NSUN6: variants seen among roughly 807,000 people sequenced by gnomAD.
The protein encoded by NSUN6 is tRNA (cytosine(72)-C(5))-methyltransferase NSUN6.
NSUN6 carries 64 observed loss-of-function variants against 58.0 expected under a neutral mutation model. The observed-to-expected ratio is 1.10, with a 90% CI of 0.90 to 1.36. The LOEUF (loss-of-function observed/expected upper bound fraction) is 1.36, where lower values mean the gene tolerates loss of function less well. NSUN6 is among the 40% of genes most tolerant of loss of function. The pLI is 0.00. For missense variants in NSUN6, 701 were observed against 550.1 expected, an observed-to-expected ratio of 1.27 and a Z score of -2.74; for synonymous variants, 231 against 193.9, an observed-to-expected ratio of 1.19 and a Z score of -1.59.
intron 8 of NSUN6, among the ~76,000 whole-genome samples, chr10:18,557,789 G>T (rs538224776): frequency 2.0e-5 from 3 of 151,494 alleles, no homozygotes; most frequent in South Asian, 2.1e-4. Flanking sequence ...GAATGGAATG[G>T]ATAATGGAAG....
chr10:18,572,706 C>A (rs527576514), intron 8 of NSUN6, among the ~76,000 whole-genome samples: 4 of 149,890 alleles, frequency 2.7e-5, no homozygotes, highest in Non-Finnish European at 6.0e-5. Flanking sequence ...TTCTCCATTC[C>A]ATTCCCTTCT....
chr10:18,561,289 AAATGGAATGGAATGGAG>A lies in NSUN6; in HGVS notation c.923-9335_923-9319del, dbSNP rs763067196. Among the ~76,000 whole-genome samples, 584 of 78,124 alleles carry A rather than the reference AAATGGAATGGAATGGAG, an allele frequency of 7.5e-3. 93 individuals are homozygous for A. Among genetic ancestry groups the A allele is most frequent in the Non-Finnish European group, 0.012 (459 of 36,852 alleles). The allele number at this position is 78,124 out of a possible 152,430, so 51.3% of individuals were successfully genotyped here. A position where few individuals can be genotyped will look rare whatever the true frequency, so the allele number is the denominator to read the frequency against. On this transcript the variant is annotated intron_variant, in intron 8 of 10. Coordinates refer to ENST00000377304, the MANE Select transcript of NSUN6 (RefSeq NM_182543.5). The stretch of plus-strand genomic sequence containing the variant: ...GGAATGGAATGGAGGATGGTATGGA[AAATGGAATGGAATGGAG>A]AATGGAATGGAATGGAGAATGGAAT...
intron 3 of NSUN6, among the ~76,000 whole-genome samples, chr10:18,633,424 T>C (rs1422557951): frequency 1.3e-5 from 2 of 151,514 alleles, no homozygotes; most frequent in Non-Finnish European, 2.9e-5. Flanking sequence ...AATAATAAAT[T>C]AATTAAATAA....
chr10:18,594,453 T>C (rs563326980), intron 7 of NSUN6, among the ~76,000 whole-genome samples: 1 of 151,954 alleles, frequency 6.6e-6, no homozygotes, highest in Non-Finnish European at 1.5e-5. Context: ...TGTTGTTGTT[T>C]TTTGTTTTTT....
chr10:18,600,974 A>ACG (rs1735700476), intron 6 of NSUN6, among the ~76,000 whole-genome samples: 1 of 98,504 alleles, frequency 1.0e-5, no homozygotes, highest in African/African-American at 4.0e-5. Flanking sequence ...ATATATATAT[A>ACG]TATGTATATA....
At chr10:18,628,695 A>C (rs1339815333) in intron 3 of NSUN6, among the ~76,000 whole-genome samples, 2 of 152,204 alleles carry the variant, frequency 1.3e-5, no homozygotes, top group East Asian at 3.8e-4. Flanking sequence ...CAAGAAGGGA[A>C]GTTTAGAGAA....
chr10:18,549,374 C>T (rs1589809895), intron 9 of NSUN6, among the ~76,000 whole-genome samples: 1 of 152,174 alleles, frequency 6.6e-6, no homozygotes, highest in East Asian at 1.9e-4. Flanking sequence ...TCTTAATTCC[C>T]TGCACTGCTT....
At chr10:18,615,646 C>T (rs1308308417) in intron 4 of NSUN6, among the ~76,000 whole-genome samples, 1 of 152,118 alleles carries the variant, frequency 6.6e-6, no homozygotes, top group African/African-American at 2.4e-5. Flanking sequence ...TTCAAGGACA[C>T]CATAACTGAG....
chr10:18,559,814 GA>G (rs1564717174), intron 8 of NSUN6, among the ~76,000 whole-genome samples: 4 of 65,626 alleles, frequency 6.1e-5, no homozygotes, highest in East Asian at 2.4e-3. Flanking sequence ...GAATGGAAAA[GA>G]GAATGGAATG....
chr10:18,567,594 A>G (rs1012621525), intron 8 of NSUN6, among the ~76,000 whole-genome samples: 1 of 142,318 alleles, frequency 7.0e-6, no homozygotes, highest in Non-Finnish European at 1.5e-5. Context: ...ATAGCATTCC[A>G]TTCTCCATTC....
At chr10:18,551,399 A>G (rs2054597340) in intron 9 of NSUN6, among the ~76,000 whole-genome samples, 1 of 151,914 alleles carries the variant, frequency 6.6e-6, no homozygotes, top group South Asian at 2.1e-4. Context: ...TCATCTCCAG[A>G]ACTTTTTCAT....
chr10:18,546,998 T>G (rs187771347), intron 10 of NSUN6, among the ~76,000 whole-genome samples: 1 of 152,192 alleles, frequency 6.6e-6, no homozygotes, highest in African/African-American at 2.4e-5. Flanking sequence ...AATTCAGCTT[T>G]ATTTAACAGT....
intron 8 of NSUN6, among the ~76,000 whole-genome samples, chr10:18,555,102 T>A (rs906828612): frequency 2.1e-5 from 3 of 145,062 alleles, no homozygotes; most frequent in Non-Finnish European, 4.5e-5. Flanking sequence ...TGGAATGGAG[T>A]GAAGAATGGC....
chr10:18,626,384 T>A (rs1289624795), intron 3 of NSUN6, among the ~76,000 whole-genome samples: 1 of 151,440 alleles, frequency 6.6e-6, no homozygotes, highest in African/African-American at 2.4e-5. Context: ...AAAACAAAAA[T>A]AAAAAAACAG....
At position 18,651,397 on chromosome 10, in the gene NSUN6, C is replaced by A; in HGVS notation, c.-194G>T. The A allele has an allele frequency of 1.6e-6, 2 of 1,287,656 alleles. No individual in the cohort carries two copies. The highest frequency in any genetic ancestry group is 3.2e-5 in the East Asian group (1 of 30,796). 79.8% of individuals were successfully genotyped at this position (1,287,656 alleles called of 1,614,324 possible). A position where few individuals can be genotyped will look rare whatever the true frequency, so the allele number is the denominator to read the frequency against. On this transcript the variant is annotated 5_prime_UTR_variant, in exon 1 of 11. Transcript: ENST00000377304. ...AGCCTAGCCGATTAGAAGGGGCTGC[C>A]GGGCTTCCACCACACCTCATCGAGG...
At chr10:18,635,917 G>A (rs2059199225) in intron 3 of NSUN6, among the ~76,000 whole-genome samples, 1 of 150,606 alleles carries the variant, frequency 6.6e-6, no homozygotes, top group Non-Finnish European at 1.5e-5. Flanking sequence ...CATTACACTG[G>A]CCAAATGTCT....
At chr10:18,587,876 T>C (rs1293075637) in intron 7 of NSUN6, among the ~76,000 whole-genome samples, 3 of 151,856 alleles carry the variant, frequency 2.0e-5, no homozygotes, top group Admixed American at 6.6e-5. Flanking sequence ...GAGCTAGCTG[T>C]AGTTTTTTTT....
upstream of NSUN6, chr10:18,653,199 A>G (rs2059738812): frequency 2.0e-6 from 2 of 984,844 alleles, no homozygotes; most frequent in Non-Finnish European, 2.4e-6. Context: ...TAGAGACTTT[A>G]TCACACCACT....
chr10:18,562,405 CGGAATGGAATGG>C (rs2055584722), intron 8 of NSUN6, among the ~76,000 whole-genome samples: 1 of 111,394 alleles, frequency 9.0e-6, no homozygotes, highest in Non-Finnish European at 1.9e-5. Context: ...GAATGGAGAA[CGGAATGGAATGG>C]AGAATGGAAT....
Sources: allele counts gnomAD v4.1 joint callset (sites outside exome capture counted in the v4.1 genomes callset), GRCh38; gene constraint gnomAD v4.1.1; transcripts MANE v1.5; gene names NCBI Gene and HGNC (gene_info 2026-07-23, HGNC 2026-07-21).